Variants in NEU2 observed in about 807,000 individuals in gnomAD.
NEU2 encodes the protein sialidase-2.
A neutral mutation model predicts 6.3 loss-of-function variants in NEU2; 7 were observed. That is an observed-to-expected ratio of 1.12 (90% CI 0.63 to 2.10). NEU2 has a LOEUF of 2.10. Ranked by LOEUF, NEU2 falls within the 30% of genes most tolerant of loss-of-function variation. NEU2 has a pLI of 0.00. For missense variants in NEU2, 509 were observed against 504.0 expected, an observed-to-expected ratio of 1.01 and a Z score of -0.09; for synonymous variants, 208 against 223.3, an observed-to-expected ratio of 0.93 and a Z score of 0.61.
In NEU2 at chr2:233,034,237, A is replaced by G. The variant is rs1053306892; in HGVS notation, c.323A>G (p.Gln108Arg). 2 of 1,614,156 alleles carry G rather than the reference A, an allele frequency of 1.2e-6. No homozygotes were observed. The highest frequency in any genetic ancestry group is 1.7e-6 in the Non-Finnish European group (2 of 1,180,022). Residue 108 changes from glutamine (Q) to arginine (R), a missense_variant, in exon 2 of 2, where the codon CAA becomes CGA. By Grantham distance (43) the Gln-to-Arg change is conservative. Coordinates refer to ENST00000233840, the MANE Select transcript of NEU2 (RefSeq NM_005383.2). This position sits in a 1 kb window ranked among gnomAD's most constrained non-coding sequence, Gnocchi z 4.8. ...LFLFFIAIPGQVTEQQQLQTR... is the reference protein window; with the variant it reads ...LFLFFIAIPGRVTEQQQLQTR... ...CTCTTCTTCATTGCCATCCCTGGGC[A>G]AGTCACGGAGCAACAGCAGCTGCAG...
Position 233,032,871 on chromosome 2 carries a change from A to G in NEU2, c.200A>G (p.Gln67Arg). ...TACGACGCACCCACCCACCAGGTTC[A>G]GGTGAGGCAGGAGGTGTCTGCACTG... ...GDYDAPTHQV[Q>R]WQAQEVVAQA... is the part of the protein sequence containing the mutation. Residue 67 changes from glutamine to arginine, a missense_variant and splice_region_variant, in exon 1 of 2, where the codon CAG (glutamine) becomes CGG (arginine). Physicochemically the swap from Gln to Arg is conservative, Grantham distance 43 (BLOSUM62 1). Transcript: ENST00000233840. The G allele has an allele frequency of 1.3e-6, 2 of 1,589,222 alleles. No individual in the cohort carries two copies. The highest frequency in any genetic ancestry group is 8.6e-7 in the Non-Finnish European group (1 of 1,167,892).
rs552418447 is a variant in NEU2, at chr2:233,034,620, G to A, written c.706G>A (p.Ala236Thr). 1.9e-6 allele frequency: 3 copies of A among 1,609,272 alleles called. No individual in the cohort carries two copies. Among genetic ancestry groups the A allele is most frequent in the East Asian group, 2.2e-5 (1 of 44,760 alleles). ...TGEQRVVTLN[A>T]RSHLRARVQA... ...GGAGCAGAGGGTGGTGACCCTCAAC[G>A]CGAGAAGCCACCTCCGAGCCAGGGT... Residue 236 changes from alanine (A) to threonine (T), a missense_variant, in exon 2 of 2, where the codon GCG (alanine) becomes ACG (threonine). Physicochemically the swap from Ala to Thr is moderately conservative, Grantham distance 58. Transcript: ENST00000233840. The surrounding 1 kb of genome is among the most constrained non-coding windows in gnomAD (Gnocchi z 4.8).
rs770105577 is a variant in NEU2 at position 233,034,889 on chromosome 2, AC to A, written c.976del (p.Leu326CysfsTer44). The part of the protein sequence containing the change: ...PAPEAWSEPV[L>X]LAKGSCAYSD... ...CCCCTGAGGCCTGGTCAGAGCCGGT[AC>A]TGCTGGCCAAGGGCAGCTGTGCCTA... On this transcript the variant is annotated frameshift_variant, in exon 2 of 2. Transcript: ENST00000233840. LOFTEE classifies it low-confidence loss of function (END_TRUNC). The surrounding 1 kb of genome is among the most constrained non-coding windows in gnomAD (Gnocchi z 4.8). The A allele has an allele frequency of 6.2e-7, 1 of 1,614,056 alleles. No individual in the cohort carries two copies. The highest frequency in any genetic ancestry group is 1.7e-5 in the Admixed American group (1 of 60,012).
intron 1 of NEU2, among the ~76,000 whole-genome samples, 166 bp downstream of exon 1, chr2:233,033,038 C>T (rs115869123): frequency 1.9e-3 from 291 of 152,320 alleles, no homozygotes; most frequent in African/African-American, 6.5e-3. Context: ...TAATGGTTCC[C>T]TGGACCTCTG....
In NEU2 at chr2:233,032,747, C is replaced by T. The variant is rs1189321245; in HGVS notation, c.76C>T (p.Leu26Phe). 7 of 1,614,236 alleles carry T rather than the reference C, an allele frequency of 4.3e-6. No homozygotes were observed. The highest frequency in any genetic ancestry group is 1.7e-5 in the Admixed American group (1 of 60,030). Reference protein sequence around the residue: ...GAHAYRIPALLYLPGQQSLLA... With the variant: ...GAHAYRIPALFYLPGQQSLLA... The stretch of plus-strand genomic sequence containing the variant: ...CCATGCCTACAGAATCCCTGCCCTG[C>T]TCTACCTGCCTGGGCAGCAGTCCCT... Residue 26 changes from leucine (L) to phenylalanine (F), a missense_variant, in exon 1 of 2, where the codon CTC (leucine) becomes TTC (phenylalanine). Physicochemically the swap from Leu to Phe is conservative, Grantham distance 22. Transcript: ENST00000233840.
Position 233,034,030 on chromosome 2 carries a change from C to A in NEU2, c.202-86C>A. 8.5e-7 allele frequency: 1 copy of A among 1,182,360 alleles called. No individual in the cohort carries two copies. Among genetic ancestry groups the A allele is most frequent in the Non-Finnish European group, 1.2e-6 (1 of 837,232 alleles). 73.2% of individuals were successfully genotyped at this position (1,182,360 alleles called of 1,614,324 possible). A position where few individuals can be genotyped will look rare whatever the true frequency, so the allele number is the denominator to read the frequency against. On this transcript the variant is annotated intron_variant, in intron 1 of 1. Coordinates refer to ENST00000233840, the MANE Select transcript of NEU2 (RefSeq NM_005383.2). The surrounding 1 kb of genome is among the most constrained non-coding windows in gnomAD (Gnocchi z 4.8). The stretch of plus-strand genomic sequence containing the variant: ...TTGACTCTAACCCGGGAGACACACC[C>A]GTGCCCACCCCTCCCACTCATGCAG...
chr2:233,033,587 AG>A (rs1690544191), intron 1 of NEU2, among the ~76,000 whole-genome samples: 1 of 152,260 alleles, frequency 6.6e-6, no homozygotes, highest in Admixed American at 6.5e-5. Context: ...GGGGACAGAC[AG>A]CACATGTGAC....
At position 233,034,754 on chromosome 2, in the gene NEU2, C is replaced by T; in HGVS notation, c.840C>T (p.Pro280=). ...QGCQGSVISF[P]SPRSGPGSPA... ...GCCAGGGGAGCGTCATCAGCTTCCCCAGCCCCCGCTCGGGGCCTGGCTCCC... is the reference window on the plus strand; with the variant it reads ...GCCAGGGGAGCGTCATCAGCTTCCCTAGCCCCCGCTCGGGGCCTGGCTCCC... Residue 280 remains proline, a synonymous_variant, in exon 2 of 2, where the codon CCC becomes CCT. Transcript: ENST00000233840. This position sits in a 1 kb window ranked among gnomAD's most constrained non-coding sequence, Gnocchi z 4.8. The T allele has an allele frequency of 6.5e-7, 1 of 1,537,380 alleles. No homozygotes were observed. The highest frequency in any genetic ancestry group is 1.3e-5 in the South Asian group (1 of 78,454).
rs144008860 is a variant in NEU2 at position 233,034,434 on chromosome 2, C to T, written c.520C>T (p.Leu174=). 53 of 1,613,914 alleles carry T rather than the reference C, an allele frequency of 3.3e-5. No individual in the cohort carries two copies. The African/African-American group carries it at 7.1e-4, about 22-fold the overall frequency. ...CLQLHDRARS[L]VVPAYAYRKL... ...GCAGCTTCACGACAGGGCCCGGAGC[C>T]TGGTGGTGCCCGCCTACGCCTACCG... The change falls in exon 2 of 2, where the codon CTG becomes TTG. Residue 174 remains leucine, a synonymous_variant. Transcript: ENST00000233840. This position sits in a 1 kb window ranked among gnomAD's most constrained non-coding sequence, Gnocchi z 4.8.
Position 233,032,760 on chromosome 2 carries a change from G to T in NEU2, c.89G>T (p.Gly30Val). Residue 30 changes from glycine (G) to valine (V), a missense_variant, in exon 1 of 2, where the codon GGG (glycine) becomes GTG (valine). By Grantham distance (109) the Gly-to-Val change is moderately radical. Coordinates refer to ENST00000233840, the MANE Select transcript of NEU2 (RefSeq NM_005383.2). ...YRIPALLYLPGQQSLLAFAEQ... is the reference protein window; with the variant it reads ...YRIPALLYLPVQQSLLAFAEQ... ...ATCCCTGCCCTGCTCTACCTGCCTG[G>T]GCAGCAGTCCCTGCTGGCCTTCGCG... The T allele has an allele frequency of 6.2e-7, 1 of 1,614,214 alleles. No individual in the cohort carries two copies. The highest frequency in any genetic ancestry group is 8.5e-7 in the Non-Finnish European group (1 of 1,180,042).
chr2:233,034,610 G>T lies in NEU2; in HGVS notation c.696G>T (p.Val232=). The T allele has an allele frequency of 6.2e-7, 1 of 1,611,918 alleles. No homozygotes were observed. The highest frequency in any genetic ancestry group is 8.5e-7 in the Non-Finnish European group (1 of 1,178,570). ...AEVETGEQRV[V]TLNARSHLRA... is the part of the protein sequence containing the mutation. The stretch of plus-strand genomic sequence containing the variant: ...TCGAGACTGGGGAGCAGAGGGTGGT[G>T]ACCCTCAACGCGAGAAGCCACCTCC... Residue 232 remains valine, a synonymous_variant, in exon 2 of 2, where the codon GTG becomes GTT. Coordinates refer to ENST00000233840, the MANE Select transcript of NEU2 (RefSeq NM_005383.2). This position sits in a 1 kb window ranked among gnomAD's most constrained non-coding sequence, Gnocchi z 4.8.
At position 233,034,505 on chromosome 2, in the gene NEU2, C is replaced by T. The variant is rs768830998; in HGVS notation, c.591C>T (p.Phe197=). Reference sequence around the variant, plus strand: ...GGCCGATCCCCTCTGCCTTCTGCTTCCTCAGCCATGACCATGGGCGCACGT... The same window carrying T: ...GGCCGATCCCCTCTGCCTTCTGCTTTCTCAGCCATGACCATGGGCGCACGT... The part of the protein sequence containing the change: ...IQRPIPSAFC[F]LSHDHGRTWA... The change falls in exon 2 of 2, where the codon TTC becomes TTT. Residue 197 remains phenylalanine, a synonymous_variant. Transcript: ENST00000233840. This position sits in a 1 kb window ranked among gnomAD's most constrained non-coding sequence, Gnocchi z 4.8. 1.1e-5 allele frequency: 17 copies of T among 1,614,162 alleles called. No individual in the cohort carries two copies. In the South Asian group the frequency reaches 1.4e-4, roughly 14 times the overall value.
chr2:233,035,026 A>G lies in NEU2; in HGVS notation c.1112A>G (p.Gln371Arg). ...EIVFLMFTLK[Q>R]AFPAEYLPQ ...GTCTTTCTCATGTTCACCCTGAAGC[A>G]AGCCTTCCCAGCTGAGTACCTGCCT... Residue 371 changes from glutamine to arginine, a missense_variant, in exon 2 of 2, where the codon CAA becomes CGA. Coordinates refer to ENST00000233840, the MANE Select transcript of NEU2 (RefSeq NM_005383.2). The G allele has an allele frequency of 6.2e-7, 1 of 1,608,760 alleles. No individual in the cohort carries two copies. The highest frequency in any genetic ancestry group is 8.5e-7 in the Non-Finnish European group (1 of 1,176,882).
chr2:233,033,809 A>G (rs554910533), intron 1 of NEU2, among the ~76,000 whole-genome samples: 2 of 152,318 alleles, frequency 1.3e-5, no homozygotes, highest in African/African-American at 4.8e-5. Context: ...TGGCTCATGC[A>G]CGAGTCATCT....
Position 233,035,053 on chromosome 2 carries a change from A to G in NEU2, c.1139A>G (p.Gln380Arg), listed in dbSNP as rs1367731694. 1.3e-6 allele frequency: 2 copies of G among 1,592,192 alleles called. No individual in the cohort carries two copies. The highest frequency in any genetic ancestry group is 4.5e-5 in the East Asian group (2 of 44,450). ...GCCTTCCCAGCTGAGTACCTGCCTCAGTGAGCCTGTGGTGCCCACCTCAAG... is the reference window on the plus strand; with the variant it reads ...GCCTTCCCAGCTGAGTACCTGCCTCGGTGAGCCTGTGGTGCCCACCTCAAG... Reference protein sequence around the residue: ...KQAFPAEYLPQ With the variant: ...KQAFPAEYLPR The change falls in exon 2 of 2, where the codon CAG becomes CGG. Residue 380 changes from glutamine to arginine, a missense_variant. By Grantham distance (43) the Gln-to-Arg change is conservative (BLOSUM62 1). Coordinates refer to ENST00000233840, the MANE Select transcript of NEU2 (RefSeq NM_005383.2).
At chr2:233,032,937 G>T (rs1690535452) in intron 1 of NEU2, 65 bp downstream of exon 1, 1 of 1,495,346 alleles carries the variant, frequency 6.7e-7, no homozygotes, top group South Asian at 1.2e-5. Context: ...GCTGTGATCA[G>T]GGGCCAGTCC....
At chr2:233,033,596 G>A (rs1690544363) in intron 1 of NEU2, among the ~76,000 whole-genome samples, 1 of 152,208 alleles carries the variant, frequency 6.6e-6, no homozygotes, top group African/African-American at 2.4e-5. Context: ...CAGCACATGT[G>A]ACATAGACTT....
Position 233,034,876 on chromosome 2 carries a change from G to C in NEU2, c.962G>C (p.Trp321Ser). 1.2e-6 allele frequency: 2 copies of C among 1,613,852 alleles called. No individual in the cohort carries two copies. The highest frequency in any genetic ancestry group is 2.7e-5 in the African/African-American group (2 of 75,070). The change falls in exon 2 of 2, where the codon TGG becomes TCG. Residue 321 changes from tryptophan (W) to serine (S), a missense_variant. Coordinates refer to ENST00000233840, the MANE Select transcript of NEU2 (RefSeq NM_005383.2). The surrounding 1 kb of genome is among the most constrained non-coding windows in gnomAD (Gnocchi z 4.8). ...LNPRPPAPEA[W>S]SEPVLLAKGS... Reference sequence around the variant, plus strand: ...CCGCGACCTCCAGCCCCTGAGGCCTGGTCAGAGCCGGTACTGCTGGCCAAG... The same window carrying C: ...CCGCGACCTCCAGCCCCTGAGGCCTCGTCAGAGCCGGTACTGCTGGCCAAG...
Position 233,034,658 on chromosome 2 carries a change from C to T in NEU2, c.744C>T (p.Ser248=), listed in dbSNP as rs146215162. 3 of 1,582,604 alleles carry T rather than the reference C, an allele frequency of 1.9e-6. No homozygotes were observed. The African/African-American group carries it at 4.0e-5, about 21-fold the overall frequency. ...SHLRARVQAQ[S]TNDGLDFQES... ...TCCGAGCCAGGGTCCAGGCCCAGAG[C>T]ACCAATGACGGGCTTGATTTCCAGG... is the stretch of plus-strand genomic sequence containing the variant. Residue 248 remains serine (S), a synonymous_variant, in exon 2 of 2, where the codon AGC becomes AGT. Coordinates refer to ENST00000233840, the MANE Select transcript of NEU2 (RefSeq NM_005383.2). The surrounding 1 kb of genome is among the most constrained non-coding windows in gnomAD (Gnocchi z 4.8).
Sources: gnomAD v4.1 joint callset for allele counts (sites outside exome capture counted in the v4.1 genomes callset) on GRCh38, gnomAD v4.1.1 for gene constraint, Gnocchi (gnomAD v3.1) non-coding constraint, MANE v1.5 for transcripts, NCBI Gene and HGNC (gene_info 2026-07-23, HGNC 2026-07-21) for gene names.